Variants in MYBL1 observed in about 807,000 individuals in gnomAD.
MYBL1 encodes the protein myb-related protein A.
In MYBL1, 17 loss-of-function variants were observed where a neutral mutation model predicts 96.3. That is an observed-to-expected ratio of 0.18 (90% CI 0.12 to 0.26). The LOEUF (loss-of-function observed/expected upper bound fraction) is 0.26, where lower values mean the gene tolerates loss of function less well. MYBL1 is among the 10% of genes least tolerant of loss of function. The pLI is 1.00. For synonymous variants in MYBL1, 282 were observed against 292.7 expected (o/e 0.96, Z 0.37); for missense variants, 701 against 882.9 (o/e 0.79, Z 2.61).
intron 1 of MYBL1, among the ~76,000 whole-genome samples, chr8:66,605,346 T>C (rs1275968976): frequency 6.6e-6 from 1 of 152,012 alleles, no homozygotes; most frequent in Non-Finnish European, 1.5e-5. Flanking sequence ...ATACAAGGTC[T>C]AGGGTAGAGA....
chr8:66,601,816 C>T, intron 2 of MYBL1, 47 bp from the exon 3 acceptor site: 2 of 946,836 alleles, frequency 2.1e-6, no homozygotes, highest in Non-Finnish European at 3.2e-6. Flanking sequence ...CCGTCCTTTT[C>T]CTCTACCCCT....
chr8:66,580,188 A>G lies in MYBL1; in HGVS notation c.1046T>C (p.Leu349Ser). The G allele has an allele frequency of 1.2e-6, 2 of 1,614,000 alleles. No homozygotes were observed. The highest frequency in any genetic ancestry group is 1.7e-6 in the Non-Finnish European group (2 of 1,179,876). Residue 349 changes from leucine to serine, a missense_variant, in exon 9 of 16, where the codon TTA becomes TCA. This residue lies in a region of MYBL1 where 396 missense variants were observed against 407.4 expected (regional missense o/e 0.97). Transcript: ENST00000522677. ...TTCTGGGATGGTCTGCAAAGAGGAT[A>G]ACACAGCGTTTGCCTCCACGGCCAG... ...KFLAVEANAVLSSLQTIPEFA... is the reference protein window; with the variant it reads ...KFLAVEANAVSSSLQTIPEFA...
At chr8:66,574,994 C>A (rs1482405418) in intron 10 of MYBL1, among the ~76,000 whole-genome samples, 1 of 151,836 alleles carries the variant, frequency 6.6e-6, no homozygotes, top group Non-Finnish European at 1.5e-5. Flanking sequence ...GCGGAGGTTG[C>A]GGTGAGCCGA....
At chr8:66,611,754 G>C (rs1376755427) in intron 1 of MYBL1, among the ~76,000 whole-genome samples, 1 of 152,110 alleles carries the variant, frequency 6.6e-6, no homozygotes, top group Non-Finnish European at 1.5e-5. Flanking sequence ...ATGCTTAACA[G>C]AAAACTAAGG....
intron 3 of MYBL1, among the ~76,000 whole-genome samples, chr8:66,599,779 A>C (rs998902086): frequency 6.6e-6 from 1 of 152,068 alleles, no homozygotes; most frequent in Non-Finnish European, 1.5e-5. Context: ...CAACCTAGGC[A>C]ACAAGAGCGA....
intron 3 of MYBL1, among the ~76,000 whole-genome samples, chr8:66,599,531 T>C (rs1809982469): frequency 6.6e-6 from 1 of 152,204 alleles, no homozygotes; most frequent in Non-Finnish European, 1.5e-5. Flanking sequence ...CCAGGCGCAG[T>C]GGCTCATGCC....
At chr8:66,606,793 T>A (rs1379128220) in intron 1 of MYBL1, among the ~76,000 whole-genome samples, 1 of 151,968 alleles carries the variant, frequency 6.6e-6, no homozygotes, top group Non-Finnish European at 1.5e-5. Flanking sequence ...ATGGCTGTTT[T>A]TTTTTTTTCT....
intron 8 of MYBL1, among the ~76,000 whole-genome samples, chr8:66,592,177 A>C (rs184845770): frequency 2.2e-4 from 33 of 152,264 alleles, no homozygotes; most frequent in African/African-American, 7.9e-4. Flanking sequence ...GAGGTGGGGC[A>C]TCATTTGAGC....
intron 8 of MYBL1, among the ~76,000 whole-genome samples, chr8:66,591,158 C>G (rs1809626546): frequency 6.6e-6 from 1 of 151,942 alleles, no homozygotes; most frequent in Admixed American, 6.6e-5. Flanking sequence ...ATCATCCTGG[C>G]TAACACGGTG....
intron 8 of MYBL1, 77 bp from the exon 9 acceptor site, chr8:66,580,443 A>G: frequency 1.0e-6 from 1 of 971,930 alleles, no homozygotes; most frequent in Non-Finnish European, 1.5e-6. Context: ...ACACATTTCA[A>G]TTAGGCTAAA....
intron 8 of MYBL1, among the ~76,000 whole-genome samples, chr8:66,584,513 T>G (rs992823372): frequency 3.9e-5 from 6 of 152,138 alleles, no homozygotes; most frequent in African/African-American, 1.4e-4. Context: ...CTCTTAGAAC[T>G]GACAAACAAA....
At chr8:66,585,019 C>T (rs1208326507) in intron 8 of MYBL1, among the ~76,000 whole-genome samples, 1 of 151,992 alleles carries the variant, frequency 6.6e-6, no homozygotes, top group Non-Finnish European at 1.5e-5. Flanking sequence ...ACATTCTCCC[C>T]AAAAGTAGCA....
chr8:66,566,058 C>A lies in MYBL1; in HGVS notation c.2130+6G>T. On this transcript the variant is annotated splice_donor_region_variant and intron_variant, in intron 15 of 15. Coordinates refer to ENST00000522677, the MANE Select transcript of MYBL1 (RefSeq NM_001080416.4). Reference sequence around the variant, plus strand: ...AAAATCACTAAAGAAATTTATAAATCCATACCTGAAGATTCTTTTCCAATT... The same window carrying A: ...AAAATCACTAAAGAAATTTATAAATACATACCTGAAGATTCTTTTCCAATT... 1.3e-6 allele frequency: 2 copies of A among 1,495,798 alleles called. No individual in the cohort carries two copies. The highest frequency in any genetic ancestry group is 1.8e-6 in the Non-Finnish European group (2 of 1,116,192). 92.7% of individuals were successfully genotyped at this position (1,495,798 alleles called of 1,614,324 possible). A position where few individuals can be genotyped will look rare whatever the true frequency, so the allele number is the denominator to read the frequency against.
intron 15 of MYBL1, 170 bp from the exon 16 acceptor site, chr8:66,564,995 T>C (rs1359641192): frequency 7.9e-6 from 3 of 378,972 alleles, no homozygotes; most frequent in Non-Finnish European, 1.3e-5. Context: ...TTTTAAAATA[T>C]ATACTGAAAT....
chr8:66,601,839 C>A (rs1298014470), intron 2 of MYBL1, 70 bp from the exon 3 acceptor site: 8 of 686,330 alleles, frequency 1.2e-5, no homozygotes, highest in Non-Finnish European at 1.9e-5. Context: ...ATATAGATAA[C>A]TCTCCAATTC....
intron 9 of MYBL1, among the ~76,000 whole-genome samples, chr8:66,578,361 A>G (rs1809054644): frequency 6.6e-6 from 1 of 152,144 alleles, no homozygotes; most frequent in African/African-American, 2.4e-5. Flanking sequence ...CAGAATCTAC[A>G]ATGAACTCAA....
chr8:66,612,690 G>A lies in MYBL1; in HGVS notation c.20+129C>T, dbSNP rs1296260944. On this transcript the variant is annotated intron_variant, in intron 1 of 15. Transcript: ENST00000522677. Reference sequence around the variant, plus strand: ...CCGGTCATCGAGGCCAAGCGGCCGCGGGGACGCGGGAAGAAAAACCTCTGC... The same window carrying A: ...CCGGTCATCGAGGCCAAGCGGCCGCAGGGACGCGGGAAGAAAAACCTCTGC... The A allele has an allele frequency of 3.5e-6, 4 of 1,149,516 alleles. No individual in the cohort carries two copies. In the African/African-American group the frequency reaches 6.3e-5, roughly 18 times the overall value. 71.2% of individuals were successfully genotyped at this position (1,149,516 alleles called of 1,614,324 possible). A position where few individuals can be genotyped will look rare whatever the true frequency, so the allele number is the denominator to read the frequency against.
intron 4 of MYBL1, among the ~76,000 whole-genome samples, chr8:66,598,341 A>C (rs1809932449): frequency 6.6e-6 from 1 of 152,192 alleles, no homozygotes; most frequent in South Asian, 2.1e-4. Context: ...AGATGGGCAG[A>C]TTGCTTGAGC....
chr8:66,572,473 T>G lies in MYBL1; in HGVS notation c.1728+9A>C. 1 of 1,357,738 alleles carries G rather than the reference T, an allele frequency of 7.4e-7. No individual in the cohort carries two copies. Among genetic ancestry groups the G allele is most frequent in the South Asian group, 1.3e-5 (1 of 75,692 alleles). 84.1% of individuals were successfully genotyped at this position (1,357,738 alleles called of 1,614,324 possible). The stretch of plus-strand genomic sequence containing the variant: ...GGAAAATTATTAAAAATAAAATGAA[T>G]ATACATACCACAATTTTAAGAGGTC... On this transcript the variant is annotated intron_variant, in intron 12 of 15. Coordinates refer to ENST00000522677, the MANE Select transcript of MYBL1 (RefSeq NM_001080416.4).
Sources: allele counts gnomAD v4.1 joint callset (sites outside exome capture counted in the v4.1 genomes callset), GRCh38; gene constraint gnomAD v4.1.1; regional missense constraint gnomAD v4.1.1; transcripts MANE v1.5; gene names NCBI Gene and HGNC (gene_info 2026-07-23, HGNC 2026-07-21).